TAMM41: variants seen among roughly 807,000 people sequenced by gnomAD.
The protein encoded by TAMM41 is phosphatidate cytidylyltransferase, mitochondrial.
TAMM41 carries 36 observed loss-of-function variants against 44.1 expected under a neutral mutation model. The observed-to-expected ratio is 0.82, with a 90% CI of 0.63 to 1.08. The LOEUF (loss-of-function observed/expected upper bound fraction) is 1.08. Among genes scored for constraint, TAMM41 ranks in the 50% least tolerant of loss-of-function variants. The pLI, the probability that TAMM41 is intolerant of heterozygous loss-of-function variation, is 0.00. For missense variants in TAMM41, 417 were observed against 404.3 expected (o/e 1.03, Z -0.27); for synonymous variants, 164 against 153.1 (o/e 1.07, Z -0.53).
At chr3:11,782,826 G>A in the TAMM41 span, among the ~76,000 whole-genome samples, 46,376 of 152,142 alleles carry the variant, frequency 0.3, 8,600 homozygotes, top group Admixed American at 0.44. Context: ...ATTTTTTGGT[G>A]GGACAGAGTG....
At chr3:11,764,084 G>A in the TAMM41 span, among the ~76,000 whole-genome samples, 9 of 152,110 alleles carry the variant, frequency 5.9e-5, no homozygotes, top group South Asian at 1.9e-3. Flanking sequence ...GCTCACTGAA[G>A]GCTCTACCTC....
At chr3:11,789,550 T>C (rs75885709), downstream of TAMM41, among the ~76,000 whole-genome samples, 5,608 of 152,294 alleles carry the variant, frequency 0.037, 345 homozygotes, top group African/African-American at 0.13. Flanking sequence ...CCTGTGAGCC[T>C]GAGGGGAGGG....
At chr3:11,818,767 A>G (rs1013969568) in intron 4 of TAMM41, among the ~76,000 whole-genome samples, 13 of 151,762 alleles carry the variant, frequency 8.6e-5, no homozygotes, top group Non-Finnish European at 7.4e-5. Context: ...ACGTGGTGGC[A>G]GGCGCCTGTA....
chr3:11,730,722 A>G, the TAMM41 span, among the ~76,000 whole-genome samples: 3 of 152,220 alleles, frequency 2.0e-5, no homozygotes, highest in Non-Finnish European at 2.9e-5. Flanking sequence ...CGACAGTGTG[A>G]GACTACATCT....
At chr3:11,723,850 T>C in the TAMM41 span, among the ~76,000 whole-genome samples, 1 of 152,020 alleles carries the variant, frequency 6.6e-6, no homozygotes, top group African/African-American at 2.4e-5. Context: ...AAGGATTTTA[T>C]AAATGCGCCA....
intron 4 of TAMM41, among the ~76,000 whole-genome samples, chr3:11,819,959 C>T (rs1044224183): frequency 1.3e-5 from 2 of 152,030 alleles, no homozygotes; most frequent in African/African-American, 2.4e-5. Flanking sequence ...CGTGCAAAGA[C>T]AACATGCCCC....
chr3:11,841,071 CTATTT>C (rs2079413428), intron 2 of TAMM41, among the ~76,000 whole-genome samples: 2 of 98,296 alleles, frequency 2.0e-5, no homozygotes, highest in African/African-American at 3.7e-5. Flanking sequence ...CAGCCCATTT[CTATTT>C]TTTTTTTTTT....
the TAMM41 span, among the ~76,000 whole-genome samples, chr3:11,769,948 T>C: frequency 2.6e-5 from 4 of 152,180 alleles, no homozygotes; most frequent in Non-Finnish European, 5.9e-5. Flanking sequence ...AGCTTCTATC[T>C]GTGACAAGCC....
At chr3:11,843,715 T>G in intron 2 of TAMM41, 1 of 231,172 alleles carries the variant, frequency 4.3e-6, no homozygotes, top group Non-Finnish European at 8.4e-6. Context: ...AAACTCCGTC[T>G]CAAAAAAATA....
intron 3 of TAMM41, among the ~76,000 whole-genome samples, chr3:11,834,843 C>A (rs62248593): frequency 6.6e-6 from 1 of 152,140 alleles, no homozygotes; most frequent in Non-Finnish European, 1.5e-5. Flanking sequence ...CGCACCACCT[C>A]GCCTGGCTAA....
At position 11,808,110 on chromosome 3, in the gene TAMM41, G is replaced by C. The variant is rs551104305; in HGVS notation, c.875-215C>G. 15 of 1,076,062 alleles carry C rather than the reference G, an allele frequency of 1.4e-5. No individual in the cohort carries two copies. The South Asian group carries it at 2.6e-4, about 19-fold the overall frequency. 66.7% of individuals were successfully genotyped at this position (1,076,062 alleles called of 1,614,324 possible). On this transcript the variant is annotated intron_variant, in intron 6 of 7. Coordinates refer to ENST00000455809, the MANE Select transcript of TAMM41 (RefSeq NM_001284401.2). ...CAGCCGTGGCGCCACCCGGCTGTGT[G>C]AGTCCAAGCCGATGACCGAACAGCT... is the stretch of plus-strand genomic sequence containing the variant.
the TAMM41 span, among the ~76,000 whole-genome samples, chr3:11,738,030 C>T: frequency 6.6e-6 from 1 of 152,194 alleles, no homozygotes; most frequent in Non-Finnish European, 1.5e-5. Context: ...AAAATTGTTC[C>T]AGGTGGCCCC....
rs75684398 is a variant in TAMM41, at chr3:11,793,583, A to T, written c.938-3002T>A. 8.1e-3 allele frequency among the ~76,000 whole-genome samples: 1,229 copies of T among 152,358 alleles called. 10 individuals carry two copies. The highest frequency in any genetic ancestry group is 0.028 in the African/African-American group (1,170 of 41,580). ...ACTTCTAATAGTCCCAAGCGGGAAC[A>T]ACCCAAGTATCCATCAATAGTAGAA... On this transcript the variant is annotated intron_variant, in intron 7 of 7. Transcript: ENST00000455809.
At chr3:11,846,291 T>C (rs1204094891) in intron 1 of TAMM41, among the ~76,000 whole-genome samples, 2 of 152,236 alleles carry the variant, frequency 1.3e-5, no homozygotes, top group African/African-American at 4.8e-5. Flanking sequence ...TCTCCTGCTC[T>C]AGACCCACGT....
the TAMM41 span, among the ~76,000 whole-genome samples, chr3:11,722,776 C>T: frequency 6.6e-6 from 1 of 152,096 alleles, no homozygotes; most frequent in Non-Finnish European, 1.5e-5. Flanking sequence ...CAAGTCCAGG[C>T]TGGCCAACAT....
intron 4 of TAMM41, among the ~76,000 whole-genome samples, chr3:11,818,612 C>T (rs2078378938): frequency 6.6e-6 from 1 of 152,124 alleles, no homozygotes; most frequent in South Asian, 2.1e-4. Flanking sequence ...AAACAGACTT[C>T]CAGGCTGGGC....
chr3:11,743,737 T>G, the TAMM41 span, among the ~76,000 whole-genome samples: 4 of 152,166 alleles, frequency 2.6e-5, no homozygotes, highest in Non-Finnish European at 5.9e-5. Flanking sequence ...GCCTCACTTC[T>G]GGCCACTCTT....
chr3:11,805,674 G>C (rs2077887237), intron 7 of TAMM41, among the ~76,000 whole-genome samples: 1 of 152,186 alleles, frequency 6.6e-6, no homozygotes, highest in Non-Finnish European at 1.5e-5. Flanking sequence ...TGAGAGGTGT[G>C]ACCATACCAG....
intron 3 of TAMM41, 43 bp from the exon 4 acceptor site, chr3:11,829,907 A>C: frequency 6.3e-7 from 1 of 1,592,760 alleles, no homozygotes; most frequent in Non-Finnish European, 8.6e-7. Context: ...CCAGAAGTGG[A>C]GTATTGCTCA....
Sources: gnomAD v4.1 joint callset for allele counts (sites outside exome capture counted in the v4.1 genomes callset) on GRCh38, gnomAD v4.1.1 for gene constraint, MANE v1.5 for transcripts, NCBI Gene and HGNC (gene_info 2026-07-23, HGNC 2026-07-21) for gene names.